The following MAGI2 variants were observed in gnomAD, a reference collection of about 807,000 sequenced individuals.
MAGI2 encodes the protein membrane-associated guanylate kinase, WW and PDZ domain-containing protein 2.
MAGI2 carries 35 observed loss-of-function variants against 133.3 expected under a neutral mutation model. That is an observed-to-expected ratio of 0.26 (90% CI 0.20 to 0.35). The LOEUF (loss-of-function observed/expected upper bound fraction) is 0.35, where lower values mean the gene tolerates loss of function less well. Among genes scored for constraint, MAGI2 ranks in the 10% least tolerant of loss-of-function variants. The probability of loss-of-function intolerance (pLI) is 1.00; values close to 1 mark genes in which losing one functional copy is unlikely to be tolerated. For synonymous variants in MAGI2, 729 were observed against 710.6 expected (o/e 1.03, Z -0.41); for missense variants, 1,636 against 1,863.4 (o/e 0.88, Z 2.25).
intron 6 of MAGI2, among the ~76,000 whole-genome samples, chr7:78,370,065 A>G (rs539258859): frequency 6.6e-6 from 1 of 152,222 alleles, no homozygotes; most frequent in Non-Finnish European, 1.5e-5. Flanking sequence ...GTTTAAATAT[A>G]TTTCAGTGAA....
chr7:78,928,548 A>G (rs1231198457), intron 2 of MAGI2, among the ~76,000 whole-genome samples: 2 of 152,084 alleles, frequency 1.3e-5, no homozygotes, highest in African/African-American at 4.8e-5. Flanking sequence ...GTCTCACCCA[A>G]TAGCCATGTC....
rs3028947 is a variant in MAGI2 at position 79,442,451 on chromosome 7, AGTGT to A, written c.301+10565_301+10568del. 2.6e-3 allele frequency among the ~76,000 whole-genome samples: 380 copies of A among 145,174 alleles called. 1 individual carries two copies. The highest frequency in any genetic ancestry group is 0.01 in the East Asian group (50 of 4,894). ...TGGCACTGAACCTTAGTGTTTGAAG[AGTGT>A]GTGTGTGTGTGTGTGTGTGTGTGTG... On this transcript the variant is annotated intron_variant, in intron 1 of 21. Transcript: ENST00000354212.
intron 3 of MAGI2, among the ~76,000 whole-genome samples, chr7:78,535,840 A>C (rs1797841051): frequency 6.6e-6 from 1 of 151,346 alleles, no homozygotes; most frequent in Non-Finnish European, 1.5e-5. Context: ...CACCACCTAG[A>C]TCGAGAACCT....
intron 2 of MAGI2, among the ~76,000 whole-genome samples, chr7:78,730,917 G>A (rs761561909): frequency 6.6e-6 from 1 of 151,992 alleles, no homozygotes; most frequent in Non-Finnish European, 1.5e-5. Context: ...AAACTTTGAG[G>A]TTGAAAACAA....
At chr7:78,863,865 A>C (rs1386635452) in intron 2 of MAGI2, among the ~76,000 whole-genome samples, 1 of 152,140 alleles carries the variant, frequency 6.6e-6, no homozygotes, top group Non-Finnish European at 1.5e-5. Context: ...TACTCCCTTT[A>C]AATTTGTCCC....
At chr7:78,571,365 T>C (rs1050268223) in intron 3 of MAGI2, among the ~76,000 whole-genome samples, 4 of 152,190 alleles carry the variant, frequency 2.6e-5, no homozygotes, top group South Asian at 2.1e-4. Context: ...GGAATGAATA[T>C]TGGATTTCAA....
At chr7:79,013,608 C>T (rs1808400944) in intron 1 of MAGI2, among the ~76,000 whole-genome samples, 2 of 152,110 alleles carry the variant, frequency 1.3e-5, no homozygotes, top group African/African-American at 4.8e-5. Context: ...CTGCTAAGAG[C>T]CACAGACACA....
At chr7:78,255,598 A>G in intron 10 of MAGI2, 2 of 487,176 alleles carry the variant, frequency 4.1e-6, no homozygotes, top group Non-Finnish European at 7.2e-6. Context: ...AATTAAATCA[A>G]TGGGAAACCA....
intron 1 of MAGI2, among the ~76,000 whole-genome samples, chr7:79,118,612 G>T (rs1309028408): frequency 6.6e-6 from 1 of 152,130 alleles, no homozygotes; most frequent in East Asian, 1.9e-4. Flanking sequence ...TCTGGTGATA[G>T]CTTTCAGCTG....
intron 4 of MAGI2, among the ~76,000 whole-genome samples, chr7:78,513,134 T>A (rs182944477): frequency 2.6e-4 from 40 of 152,240 alleles, no homozygotes; most frequent in African/African-American, 9.1e-4. Context: ...ATTTTTTTTT[T>A]AATCAGGAGC....
At chr7:78,776,032 A>T (rs930507580) in intron 2 of MAGI2, among the ~76,000 whole-genome samples, 15 of 152,196 alleles carry the variant, frequency 9.9e-5, no homozygotes, top group Non-Finnish European at 5.9e-5. Flanking sequence ...CTGTGTGACC[A>T]AAGGCAAGTC....
At chr7:79,073,088 A>G (rs1815140053) in intron 1 of MAGI2, among the ~76,000 whole-genome samples, 1 of 152,236 alleles carries the variant, frequency 6.6e-6, no homozygotes, top group African/African-American at 2.4e-5. Context: ...GCTGTATAAA[A>G]AAAGAGCTTG....
intron 2 of MAGI2, among the ~76,000 whole-genome samples, chr7:78,710,442 AAT>A (rs1819072656): frequency 6.6e-6 from 1 of 152,142 alleles, no homozygotes; most frequent in African/African-American, 2.4e-5. Context: ...CCCATCAAAG[AAT>A]GTGACTCTTG....
At chr7:78,698,384 A>C (rs1817726762) in intron 2 of MAGI2, among the ~76,000 whole-genome samples, 1 of 152,126 alleles carries the variant, frequency 6.6e-6, no homozygotes, top group Non-Finnish European at 1.5e-5. Context: ...TCCACAACAC[A>C]GTTTATTCCG....
At chr7:79,215,301 G>A (rs1449314296) in intron 1 of MAGI2, among the ~76,000 whole-genome samples, 1 of 151,990 alleles carries the variant, frequency 6.6e-6, no homozygotes, top group Admixed American at 6.6e-5. Context: ...ATGTTTCTTT[G>A]AAGTATTTAA....
chr7:79,297,042 A>C (rs1199273456), intron 1 of MAGI2, among the ~76,000 whole-genome samples: 1 of 152,208 alleles, frequency 6.6e-6, no homozygotes, highest in East Asian at 1.9e-4. Flanking sequence ...TAAAACAAAA[A>C]ATAACCCTTA....
At chr7:78,354,424 A>T (rs533333920) in intron 7 of MAGI2, among the ~76,000 whole-genome samples, 4 of 152,196 alleles carry the variant, frequency 2.6e-5, no homozygotes, top group Non-Finnish European at 5.9e-5. Flanking sequence ...TACCAAGGAC[A>T]CTCAGAATAC....
At chr7:79,421,210 A>G (rs1208753681) in intron 1 of MAGI2, among the ~76,000 whole-genome samples, 1 of 151,990 alleles carries the variant, frequency 6.6e-6, no homozygotes, top group Non-Finnish European at 1.5e-5. Flanking sequence ...CAGGCAAATG[A>G]CTATCTGTTT....
At chr7:78,720,946 T>C (rs2151199796) in intron 2 of MAGI2, among the ~76,000 whole-genome samples, 1 of 152,190 alleles carries the variant, frequency 6.6e-6, no homozygotes, top group South Asian at 2.1e-4. Context: ...CCACACAGTA[T>C]GTAAGGAGAA....
Sources: allele counts gnomAD v4.1 joint callset (sites outside exome capture counted in the v4.1 genomes callset), GRCh38; gene constraint gnomAD v4.1.1; transcripts MANE v1.5; gene names NCBI Gene and HGNC (gene_info 2026-07-23, HGNC 2026-07-21).